Variants in IFNAR2 observed in about 807,000 individuals in gnomAD.
The protein encoded by IFNAR2 is interferon alpha and beta receptor subunit 2.
In IFNAR2, 30 loss-of-function variants were observed where a neutral mutation model predicts 49.4. That is an observed-to-expected ratio of 0.61 (90% confidence interval 0.45 to 0.82). The LOEUF (loss-of-function observed/expected upper bound fraction) is 0.82, where lower values mean the gene tolerates loss of function less well. Ranked by LOEUF, IFNAR2 falls within the 40% of genes least tolerant of loss-of-function variation. IFNAR2 has a pLI of 0.00. For synonymous variants in IFNAR2, 224 were observed against 234.5 expected, an observed-to-expected ratio of 0.96 and a Z score of 0.41; for missense variants, 600 against 622.7, an observed-to-expected ratio of 0.96 and a Z score of 0.39.
At chr21:33,234,183 C>CTGTGTGTGTGTGTGTGTGTGTGTGTG in intron 1 of IFNAR2, among the ~76,000 whole-genome samples, 1 of 140,798 alleles carries the variant, frequency 7.1e-6, no homozygotes, top group South Asian at 2.4e-4. Context: ...AACAGAAACA[C>CTGTGTGTGTGTGTGTGTGTGTGTGTG]TGTGTGTGTG....
chr21:33,245,940 G>A (rs1173592172), intron 4 of IFNAR2, among the ~76,000 whole-genome samples: 1 of 152,162 alleles, frequency 6.6e-6, no homozygotes, highest in African/African-American at 2.4e-5. Context: ...ACTTAGGACT[G>A]GATCATCTAG....
intron 6 of IFNAR2, among the ~76,000 whole-genome samples, chr21:33,250,077 C>T (rs1987735150): frequency 6.6e-6 from 1 of 152,140 alleles, no homozygotes; most frequent in Admixed American, 6.5e-5. Context: ...AGGAGACCAA[C>T]TAAGACACAA....
At chr21:33,244,453 C>T (rs1987235180) in intron 3 of IFNAR2, among the ~76,000 whole-genome samples, 1 of 152,210 alleles carries the variant, frequency 6.6e-6, no homozygotes, top group Non-Finnish European at 1.5e-5. Context: ...TTATACTCCC[C>T]TGCTCTCTGT....
intron 1 of IFNAR2, among the ~76,000 whole-genome samples, chr21:33,236,320 T>A (rs8130779): frequency 0.21 from 32,181 of 152,022 alleles, 3,586 homozygotes; most frequent in Non-Finnish European, 0.24. Context: ...CCTGCTAGCT[T>A]CCCCTCGATC....
At chr21:33,232,515 G>T (rs542728023) in intron 1 of IFNAR2, among the ~76,000 whole-genome samples, 1 of 152,134 alleles carries the variant, frequency 6.6e-6, no homozygotes, top group South Asian at 2.1e-4. Context: ...CATCAGCATT[G>T]TCATTGGTTT....
chr21:33,230,124 G>A lies in IFNAR2; in HGVS notation c.-176G>A. On this transcript the variant is annotated 5_prime_UTR_variant, in exon 1 of 9. Coordinates refer to ENST00000342136, the MANE Select transcript of IFNAR2 (RefSeq NM_001289125.3). This position sits in a 1 kb window ranked among gnomAD's most constrained non-coding sequence, Gnocchi z 5.5. ...CTGTCCGAGAGGCCGCCCGCGAGGC[G>A]CATCCTGACCGCGAGCGTCGGGTCC... 1 of 991,764 alleles carries A rather than the reference G, an allele frequency of 1.0e-6. No homozygotes were observed. Among genetic ancestry groups the A allele is most frequent in the South Asian group, 4.2e-5 (1 of 23,640 alleles). 61.4% of individuals were successfully genotyped at this position (991,764 alleles called of 1,614,324 possible). A position where few individuals can be genotyped will look rare whatever the true frequency, so the allele number is the denominator to read the frequency against.
intron 7 of IFNAR2, among the ~76,000 whole-genome samples, chr21:33,259,899 T>C (rs1988450671): frequency 6.6e-6 from 1 of 152,230 alleles, no homozygotes; most frequent in East Asian, 1.9e-4. Flanking sequence ...ATTTCCTTTT[T>C]TCTCCCCTCT....
chr21:33,232,065 A>G (rs542488714), intron 1 of IFNAR2, among the ~76,000 whole-genome samples: 20 of 152,336 alleles, frequency 1.3e-4, no homozygotes, highest in Non-Finnish European at 2.2e-4. Flanking sequence ...CTAAAATGCC[A>G]TTGCTTATAA....
intron 1 of IFNAR2, among the ~76,000 whole-genome samples, chr21:33,239,126 C>T (rs1381216457): frequency 6.6e-6 from 1 of 152,118 alleles, no homozygotes; most frequent in East Asian, 1.9e-4. Flanking sequence ...AGTTTCATTG[C>T]CAGGTCTCTT....
In IFNAR2 at chr21:33,260,781, A is replaced by G. The variant is rs1988516086; in HGVS notation, c.840+54A>G. The stretch of plus-strand genomic sequence containing the variant: ...TTTTCTATCTTTGTTTTTTATTTTA[A>G]CTTAAGAATTTGTATTTATATAAAT... On this transcript the variant is annotated intron_variant, in intron 8 of 8. Transcript: ENST00000342136. The G allele has an allele frequency of 3.5e-6, 4 of 1,148,844 alleles. No individual in the cohort carries two copies. The Admixed American group carries it at 1.1e-4, about 32-fold the overall frequency. 71.2% of individuals were successfully genotyped at this position (1,148,844 alleles called of 1,614,324 possible).
chr21:33,253,585 A>G (rs1198153706), intron 7 of IFNAR2, among the ~76,000 whole-genome samples: 1 of 152,212 alleles, frequency 6.6e-6, no homozygotes, highest in East Asian at 1.9e-4. Flanking sequence ...GCAAGAAAGA[A>G]TTCAGAGCGA....
At chr21:33,237,362 T>C (rs539881641) in intron 1 of IFNAR2, among the ~76,000 whole-genome samples, 76 of 147,252 alleles carry the variant, frequency 5.2e-4, no homozygotes, top group African/African-American at 2.0e-3. Flanking sequence ...CAAAGCCCCA[T>C]CTCTAAAAAA....
chr21:33,262,757 A>C, intron 8 of IFNAR2, 36 bp from the exon 9 acceptor site: 2 of 1,581,936 alleles, frequency 1.3e-6, no homozygotes, highest in Non-Finnish European at 1.7e-6. Context: ...AGTACAGCTG[A>C]TACGGACTCT....
In IFNAR2 at chr21:33,242,758, CGTGTGTGT is replaced by C. The variant is rs375640331; in HGVS notation, c.55+820_55+827del. Among the ~76,000 whole-genome samples, 519 of 76,554 alleles carry C rather than the reference CGTGTGTGT, an allele frequency of 6.8e-3. 29 individuals carry two copies. Among genetic ancestry groups the C allele is most frequent in the East Asian group, 0.045 (124 of 2,740 alleles). The allele number at this position is 76,554 out of a possible 152,430, so 50.2% of individuals were successfully genotyped here. ...AAAAAAAAAAAAAAAATCTCGTGTGCGTGTGTGTGTGTGTGTGTGTGTGTGTGTGTGTG... is the reference window on the plus strand; with the variant it reads ...AAAAAAAAAAAAAAAATCTCGTGTGCGTGTGTGTGTGTGTGTGTGTGTGTG... On this transcript the variant is annotated intron_variant, in intron 2 of 8. Transcript: ENST00000342136.
In IFNAR2 at chr21:33,263,288, C is replaced by T. The variant is rs749487628; in HGVS notation, c.1336C>T (p.Pro446Ser). The T allele has an allele frequency of 4.3e-6, 7 of 1,614,134 alleles. No homozygotes were observed. In the Admixed American group the frequency reaches 8.3e-5, roughly 19 times the overall value. The change falls in exon 9 of 9, where the codon CCT becomes TCT. Residue 446 changes from proline to serine, a missense_variant. Pro to Ser is a moderately conservative substitution (Grantham distance 74). Transcript: ENST00000342136. ...CGAGGACAGTGACGACTTAGAAGCC[C>T]CTCTGATGCTATCGTCTCATCTGGA... ...DDEDSDDLEA[P>S]LMLSSHLEEM...
At chr21:33,252,475 T>C (rs1225377402) in intron 6 of IFNAR2, 187 bp from the exon 7 acceptor site, 2 of 985,300 alleles carry the variant, frequency 2.0e-6, no homozygotes, top group East Asian at 2.3e-4. Flanking sequence ...CAGGTGTATA[T>C]TAAAAGTGCA....
chr21:33,246,838 CG>C lies in IFNAR2; in HGVS notation c.345del (p.Asn116ThrfsTer15). The C allele has an allele frequency of 6.2e-7, 1 of 1,614,130 alleles. No individual in the cohort carries two copies. The highest frequency in any genetic ancestry group is 8.5e-7 in the Non-Finnish European group (1 of 1,179,962). ...ATGTCACCGTCCTAGAAGGATTCAGCGGGAACACAACGTTGTTCAGTTGCTC... is the reference window on the plus strand; with the variant it reads ...ATGTCACCGTCCTAGAAGGATTCAGCGGAACACAACGTTGTTCAGTTGCTC... ...AYVTVLEGFS[G>X]NTTLFSCSHN... On this transcript the variant is annotated frameshift_variant, in exon 5 of 9. Transcript: ENST00000342136. LOFTEE classifies it high-confidence loss of function.
At chr21:33,237,081 GT>G (rs1601788415) in intron 1 of IFNAR2, among the ~76,000 whole-genome samples, 5 of 93,930 alleles carry the variant, frequency 5.3e-5, no homozygotes, top group Admixed American at 2.0e-4. Context: ...AGAATGGGGT[GT>G]GTGTGTGTGT....
Position 33,249,694 on chromosome 21 carries a change from A to G in IFNAR2, c.540+840A>G, listed in dbSNP as rs17860217. Among the ~76,000 whole-genome samples the G allele has an allele frequency of 5.2e-3, 797 of 152,264 alleles. 9 individuals carry two copies. Among genetic ancestry groups the G allele is most frequent in the African/African-American group, 0.019 (771 of 41,550 alleles). ...ATGCTGGAATAAGTGGAAATGGACAAATTGCTCTCACCGGTGTAGCAGCAG... is the reference window on the plus strand; with the variant it reads ...ATGCTGGAATAAGTGGAAATGGACAGATTGCTCTCACCGGTGTAGCAGCAG... On this transcript the variant is annotated intron_variant, in intron 6 of 8. Transcript: ENST00000342136.
Sources: gnomAD v4.1 joint callset for allele counts (sites outside exome capture counted in the v4.1 genomes callset) on GRCh38, gnomAD v4.1.1 for gene constraint, Gnocchi (gnomAD v3.1) non-coding constraint, MANE v1.5 for transcripts, NCBI Gene and HGNC (gene_info 2026-07-23, HGNC 2026-07-21) for gene names.